Variants in UPF2 observed in about 807,000 individuals in gnomAD.
UPF2 encodes UPF2 regulator of nonsense mediated mRNA decay, also known as regulator of nonsense transcripts 2.
In UPF2, 17 loss-of-function variants were observed where a neutral mutation model predicts 141.4. That is an observed-to-expected ratio of 0.12 (90% CI 0.08 to 0.18). The LOEUF (loss-of-function observed/expected upper bound fraction) is 0.18, where lower values mean the gene tolerates loss of function less well. UPF2 is among the 10% of genes least tolerant of loss of function. The pLI is 1.00. For synonymous variants in UPF2, 540 were observed against 498.0 expected (o/e 1.08, Z -1.12); for missense variants, 1,152 against 1,515.9 (o/e 0.76, Z 3.99).
intron 8 of UPF2, among the ~76,000 whole-genome samples, chr10:11,986,054 T>C (rs951891689): frequency 3.3e-5 from 5 of 151,732 alleles, no homozygotes; most frequent in African/African-American, 1.2e-4. Context: ...CCGGCTAATT[T>C]TTTGTATTTA....
At chr10:11,932,681 CTACTT>C (rs1229634549) in intron 19 of UPF2, among the ~76,000 whole-genome samples, 2 of 152,164 alleles carry the variant, frequency 1.3e-5, no homozygotes, top group African/African-American at 4.8e-5. Context: ...CAGAGACACA[CTACTT>C]TATAGCAAAT....
chr10:11,969,042 A>G (rs780921846), intron 9 of UPF2, among the ~76,000 whole-genome samples: 1 of 151,856 alleles, frequency 6.6e-6, no homozygotes, highest in Non-Finnish European at 1.5e-5. Context: ...TTGTATTTTT[A>G]GTAGAGATGG....
chr10:11,953,449 A>G lies in UPF2; in HGVS notation c.2851-1200T>C, dbSNP rs951926567. 6.6e-5 allele frequency among the ~76,000 whole-genome samples: 10 copies of G among 152,342 alleles called. No individual in the cohort carries two copies. In the South Asian group the frequency reaches 2.1e-3, roughly 32 times the overall value. The stretch of plus-strand genomic sequence containing the variant: ...ACTCCATGTTCTGGGTGAAACACAC[A>G]GACCTCATCACCCAGGCCTCACTCA... On this transcript the variant is annotated intron_variant, in intron 14 of 21. Transcript: ENST00000357604. The surrounding 1 kb of genome is among the most constrained non-coding windows in gnomAD (Gnocchi z 5.0).
At chr10:11,924,637 G>A (rs751736545) in intron 21 of UPF2, among the ~76,000 whole-genome samples, 3 of 151,230 alleles carry the variant, frequency 2.0e-5, no homozygotes, top group South Asian at 2.1e-4. Context: ...TGGCTCTGTC[G>A]CCCAACCTGG....
At chr10:11,948,069 G>T (rs9663149) in intron 16 of UPF2, among the ~76,000 whole-genome samples, 7 of 151,670 alleles carry the variant, frequency 4.6e-5, no homozygotes, top group Admixed American at 2.6e-4. Context: ...CCAACATGGT[G>T]AAACCCCATC....
intron 8 of UPF2, among the ~76,000 whole-genome samples, chr10:11,981,789 G>A (rs113636191): frequency 3.9e-5 from 6 of 152,194 alleles, no homozygotes; most frequent in African/African-American, 7.2e-5. Flanking sequence ...GGGTTCAAGC[G>A]ATACTTCTGC....
intron 21 of UPF2, among the ~76,000 whole-genome samples, chr10:11,922,726 C>A (rs1429525613): frequency 4.6e-5 from 7 of 151,928 alleles, no homozygotes; most frequent in Non-Finnish European, 1.5e-5. Context: ...CTACAATGGA[C>A]TCTATTGTAT....
chr10:11,978,909 A>G, intron 9 of UPF2, 148 bp downstream of exon 9: 1 of 637,562 alleles, frequency 1.6e-6, no homozygotes, highest in Admixed American at 3.0e-5. Context: ...AGTAAATCAC[A>G]TTTCAAAAAT....
chr10:12,022,987 G>C (rs571952044), intron 3 of UPF2, among the ~76,000 whole-genome samples: 1 of 152,184 alleles, frequency 6.6e-6, no homozygotes, highest in Admixed American at 6.5e-5. Flanking sequence ...GGGTGCTGAA[G>C]AGAAACTTGT....
rs908378304 is a variant in UPF2, at chr10:12,001,887, A to G, written c.1505-62T>C. 2.8e-6 allele frequency: 4 copies of G among 1,451,248 alleles called. No homozygotes were observed. The African/African-American group carries it at 5.7e-5, about 21-fold the overall frequency. The allele number at this position is 1,451,248 out of a possible 1,614,324, so 89.9% of individuals were successfully genotyped here. A position where few individuals can be genotyped will look rare whatever the true frequency, so the allele number is the denominator to read the frequency against. On this transcript the variant is annotated intron_variant, in intron 5 of 21. Coordinates refer to ENST00000357604, the MANE Select transcript of UPF2 (RefSeq NM_015542.4). ...TCATATGAAAATCCTGCTGCACAAAAGTAGATTAAGACTCACAAAATCTGC... is the reference window on the plus strand; with the variant it reads ...TCATATGAAAATCCTGCTGCACAAAGGTAGATTAAGACTCACAAAATCTGC...
Position 11,931,449 on chromosome 10 carries a change from A to C in UPF2, c.3688+192T>G, listed in dbSNP as rs762874828. On this transcript the variant is annotated intron_variant, in intron 20 of 21. Coordinates refer to ENST00000357604, the MANE Select transcript of UPF2 (RefSeq NM_015542.4). The surrounding 1 kb of genome is among the most constrained non-coding windows in gnomAD (Gnocchi z 5.9). ...AGCTTAGCAGTTTATACTCTAATTTAATTAGAGCAAAATATGGTGAAAATT... is the reference window on the plus strand; with the variant it reads ...AGCTTAGCAGTTTATACTCTAATTTCATTAGAGCAAAATATGGTGAAAATT... Among the ~76,000 whole-genome samples, 4 of 152,202 alleles carry C rather than the reference A, an allele frequency of 2.6e-5. No homozygotes were observed. Among genetic ancestry groups the C allele is most frequent in the Non-Finnish European group, 5.9e-5 (4 of 68,042 alleles).
At chr10:11,949,028 T>C (rs1341690882) in intron 15 of UPF2, among the ~76,000 whole-genome samples, 3 of 152,212 alleles carry the variant, frequency 2.0e-5, no homozygotes, top group Admixed American at 6.5e-5. Flanking sequence ...CATAGCAGCT[T>C]TGTCACCATA....
chr10:12,030,332 G>A (rs11595940), intron 2 of UPF2, among the ~76,000 whole-genome samples: 3,429 of 152,076 alleles, frequency 0.023, 54 homozygotes, highest in Middle Eastern at 0.065. Flanking sequence ...TCAGGGGTTC[G>A]AGACCAGCTT....
In UPF2 at chr10:11,931,785, G is replaced by A; in HGVS notation, c.3547-3C>T. Reference sequence around the variant, plus strand: ...ATGGGTACATTAAGGATCTTAAACTGGGAGAAAATAACAAAGGAGTTACAA... The same window carrying A: ...ATGGGTACATTAAGGATCTTAAACTAGGAGAAAATAACAAAGGAGTTACAA... On this transcript the variant is annotated splice_polypyrimidine_tract_variant and splice_region_variant and intron_variant, in intron 19 of 21. Transcript: ENST00000357604. This position sits in a 1 kb window ranked among gnomAD's most constrained non-coding sequence, Gnocchi z 5.9. The A allele has an allele frequency of 6.3e-7, 1 of 1,585,928 alleles. No homozygotes were observed. Among genetic ancestry groups the A allele is most frequent in the South Asian group, 1.2e-5 (1 of 85,378 alleles).
intron 20 of UPF2, among the ~76,000 whole-genome samples, chr10:11,930,331 C>G (rs978322257): frequency 2.0e-5 from 3 of 152,194 alleles, no homozygotes; most frequent in Non-Finnish European, 4.4e-5. Flanking sequence ...CACTTTCTAG[C>G]TGTGAGACTT....
At position 11,986,256 on chromosome 10, in the gene UPF2, G is replaced by C. The variant is rs543613042; in HGVS notation, c.1845-7091C>G. Among the ~76,000 whole-genome samples the C allele has an allele frequency of 1.9e-4, 29 of 152,136 alleles. No homozygotes were observed. In the East Asian group the frequency reaches 5.4e-3, roughly 28 times the overall value. ...AAAATTACGTTTACCAACAATGAAC[G>C]ATGAATCACTTTAAAAGAATGCTAT... is the stretch of plus-strand genomic sequence containing the variant. On this transcript the variant is annotated intron_variant, in intron 8 of 21. Coordinates refer to ENST00000357604, the MANE Select transcript of UPF2 (RefSeq NM_015542.4).
At position 12,001,667 on chromosome 10, in the gene UPF2, G is replaced by A. The variant is rs1588562363; in HGVS notation, c.1654+9C>T. 1.3e-5 allele frequency: 21 copies of A among 1,593,004 alleles called. No individual in the cohort carries two copies. The highest frequency in any genetic ancestry group is 1.6e-5 in the Non-Finnish European group (19 of 1,173,368). On this transcript the variant is annotated intron_variant, in intron 6 of 21. Transcript: ENST00000357604. ...ATTAAAAATGAAAGTTGGTAAATTA[G>A]TTCTTTACCTTGTTCATCAAGAAGT...
intron 5 of UPF2, among the ~76,000 whole-genome samples, chr10:12,002,164 A>C (rs1190404977): frequency 1.3e-5 from 2 of 152,028 alleles, no homozygotes; most frequent in East Asian, 3.9e-4. Context: ...CCAGCTACTC[A>C]GGAGGCTGAG....
chr10:11,978,823 C>T (rs917704678), intron 9 of UPF2, among the ~76,000 whole-genome samples: 15 of 152,090 alleles, frequency 9.9e-5, no homozygotes, highest in African/African-American at 3.1e-4. Flanking sequence ...GTGCTGTTCC[C>T]GCAATGGGGG....
Sources: gnomAD v4.1 joint callset for allele counts (sites outside exome capture counted in the v4.1 genomes callset) on GRCh38, gnomAD v4.1.1 for gene constraint, Gnocchi (gnomAD v3.1) non-coding constraint, MANE v1.5 for transcripts, NCBI Gene and HGNC (gene_info 2026-07-23, HGNC 2026-07-21) for gene names.